The following ADGRG5 variants were observed in gnomAD, a reference collection of about 807,000 sequenced individuals.
ADGRG5 encodes adhesion G protein-coupled receptor G5.
Under a neutral mutation model 53.2 loss-of-function variants are expected in ADGRG5, and 37 were observed. The ratio of observed to expected loss-of-function variants is 0.70; its 90% confidence interval spans 0.53 to 0.91. ADGRG5 has a LOEUF of 0.91. ADGRG5 is among the 40% of genes least tolerant of loss of function. ADGRG5 has a pLI of 0.00. For missense variants in ADGRG5, 614 were observed against 675.8 expected, an observed-to-expected ratio of 0.91 and a Z score of 1.01; for synonymous variants, 277 against 290.4, an observed-to-expected ratio of 0.95 and a Z score of 0.47.
At chr16:57,570,601 T>G in intron 10 of ADGRG5, 66 bp downstream of exon 10, 1 of 1,149,962 alleles carries the variant, frequency 8.7e-7, no homozygotes, top group Non-Finnish European at 1.3e-6. Context: ...GGCCTGGGGC[T>G]CCAAATGGAA....
upstream of ADGRG5, among the ~76,000 whole-genome samples, chr16:57,537,963 C>T (rs1379724347): frequency 6.6e-6 from 1 of 152,152 alleles, no homozygotes; most frequent in African/African-American, 2.4e-5. Context: ...CTCAGACTTG[C>T]ACAAGGTCCT....
chr16:57,567,158 A>G (rs1269911100), intron 7 of ADGRG5, among the ~76,000 whole-genome samples: 1 of 152,178 alleles, frequency 6.6e-6, no homozygotes, highest in Non-Finnish European at 1.5e-5. Context: ...CCCAATCGCT[A>G]TAGGCAGAAG....
upstream of ADGRG5, among the ~76,000 whole-genome samples, chr16:57,540,278 A>G (rs1490728451): frequency 1.3e-5 from 2 of 152,138 alleles, no homozygotes; most frequent in African/African-American, 4.8e-5. Flanking sequence ...CAAAAGAAAC[A>G]GTTTAGCTCT....
intron 10 of ADGRG5, among the ~76,000 whole-genome samples, chr16:57,572,678 G>T (rs2033395759): frequency 6.6e-6 from 1 of 152,206 alleles, no homozygotes; most frequent in Non-Finnish European, 1.5e-5. Context: ...GAGACAGAGC[G>T]AGACTCCGTC....
At chr16:57,559,556 C>T (rs1419703213) in intron 1 of ADGRG5, among the ~76,000 whole-genome samples, 1 of 152,216 alleles carries the variant, frequency 6.6e-6, no homozygotes, top group Non-Finnish European at 1.5e-5. Context: ...AGCTAATGCT[C>T]AGCCATTAAG....
At position 57,563,840 on chromosome 16, in the gene ADGRG5, C is replaced by T. The variant is rs1349413870; in HGVS notation, c.298-8C>T. 2.5e-6 allele frequency: 4 copies of T among 1,613,342 alleles called. No individual in the cohort carries two copies. Among genetic ancestry groups the T allele is most frequent in the South Asian group, 1.1e-5 (1 of 91,024 alleles). ...GTTGCCAAACAGCCTGTTTGCGACC[C>T]TCTGCAGGCAGGAGGTCAGCATGCC... On this transcript the variant is annotated splice_region_variant and splice_polypyrimidine_tract_variant and intron_variant, in intron 4 of 11. Coordinates refer to ENST00000349457, the MANE Select transcript of ADGRG5 (RefSeq NM_001304376.3).
chr16:57,564,991 C>G, intron 5 of ADGRG5, 43 bp from the exon 6 acceptor site: 1 of 1,206,400 alleles, frequency 8.3e-7, no homozygotes, highest in Non-Finnish European at 1.2e-6. Flanking sequence ...CCAGGGCCTC[C>G]CCATTTCCCC....
At chr16:57,572,244 G>T (rs951076099) in intron 10 of ADGRG5, among the ~76,000 whole-genome samples, 17 of 152,086 alleles carry the variant, frequency 1.1e-4, no homozygotes, top group Non-Finnish European at 2.2e-4. Flanking sequence ...GAGAGGCTGA[G>T]GTAGGCAGAT....
chr16:57,545,620 C>T (rs2032597936), intron 1 of ADGRG5, among the ~76,000 whole-genome samples: 2 of 152,316 alleles, frequency 1.3e-5, no homozygotes, highest in Admixed American at 6.5e-5. Flanking sequence ...TGCTTTTTCA[C>T]TTGAAAATAC....
the ADGRG5 span, among the ~76,000 whole-genome samples, chr16:57,537,181 C>T: frequency 3.9e-5 from 6 of 152,114 alleles, no homozygotes; most frequent in African/African-American, 1.4e-4. Flanking sequence ...TACGGTACTT[C>T]GCCTTCGGGG....
At chr16:57,560,561 T>C (rs2146789730) in intron 1 of ADGRG5, among the ~76,000 whole-genome samples, 1 of 152,310 alleles carries the variant, frequency 6.6e-6, no homozygotes, top group Non-Finnish European at 1.5e-5. Flanking sequence ...TGCTGCAGTC[T>C]TCTGGAATCT....
chr16:57,565,260 T>C, intron 6 of ADGRG5, 110 bp downstream of exon 6: 2 of 660,682 alleles, frequency 3.0e-6, no homozygotes, highest in South Asian at 3.9e-5. Context: ...TGGAAATCCA[T>C]CACACTTTGA....
the ADGRG5 span, among the ~76,000 whole-genome samples, chr16:57,532,900 T>A: frequency 6.6e-6 from 1 of 152,090 alleles, no homozygotes; most frequent in Non-Finnish European, 1.5e-5. Context: ...GCCCGGGCCC[T>A]GTCTGCTGGG....
chr16:57,554,054 A>T (rs753698438), intron 1 of ADGRG5, among the ~76,000 whole-genome samples: 11 of 152,182 alleles, frequency 7.2e-5, no homozygotes, highest in Admixed American at 3.9e-4. Context: ...TCAATGAAGG[A>T]CTATTCCTAT....
the ADGRG5 span, chr16:57,529,277 G>T: frequency 1.8e-6 from 2 of 1,117,384 alleles, no homozygotes; most frequent in Non-Finnish European, 2.2e-6. This position sits in a 1 kb window ranked among gnomAD's most constrained non-coding sequence, Gnocchi z 4.1. Flanking sequence ...TGATGACGCC[G>T]TGCCCCGCTT....
intron 1 of ADGRG5, 59 bp downstream of exon 1, chr16:57,542,760 CAG>C (rs2032517958): frequency 6.6e-6 from 1 of 152,364 alleles, no homozygotes; most frequent in South Asian, 2.1e-4. Flanking sequence ...TCCTTATCCA[CAG>C]GCCCCTCAGT....
chr16:57,548,663 C>T (rs553741667), intron 1 of ADGRG5, among the ~76,000 whole-genome samples: 1 of 150,304 alleles, frequency 6.7e-6, no homozygotes, highest in South Asian at 2.1e-4. Context: ...ATCATTTTGT[C>T]ATTTCAAGAC....
At chr16:57,537,268 G>T in the ADGRG5 span, among the ~76,000 whole-genome samples, 1 of 151,636 alleles carries the variant, frequency 6.6e-6, no homozygotes, top group African/African-American at 2.4e-5. Context: ...CGGGACAGGC[G>T]TCTGGAGGAC....
chr16:57,539,454 C>CT (rs35729717), upstream of ADGRG5, among the ~76,000 whole-genome samples: 59,428 of 141,052 alleles, frequency 0.42, 14,077 homozygotes, highest in Non-Finnish European at 0.52. Flanking sequence ...CACTGTACCC[C>CT]TTTTTTTTTT....
Sources: gnomAD v4.1 joint callset for allele counts (sites outside exome capture counted in the v4.1 genomes callset) on GRCh38, gnomAD v4.1.1 for gene constraint, Gnocchi (gnomAD v3.1) non-coding constraint, MANE v1.5 for transcripts, NCBI Gene and HGNC (gene_info 2026-07-23, HGNC 2026-07-21) for gene names.